Variants in RHBDD1 observed in about 807,000 individuals in gnomAD.
The protein encoded by RHBDD1 is rhomboid-related protein 4.
In RHBDD1, 38 loss-of-function variants were observed where a neutral mutation model predicts 36.3. That is an observed-to-expected ratio of 1.05 (90% CI 0.81 to 1.37). The LOEUF is 1.37. RHBDD1 is among the 40% of genes most tolerant of loss of function. The probability of loss-of-function intolerance (pLI) is 0.00; values close to 1 mark genes in which losing one functional copy is unlikely to be tolerated. For missense variants in RHBDD1, 393 were observed against 377.6 expected, an observed-to-expected ratio of 1.04 and a Z score of -0.34; for synonymous variants, 151 against 136.5, an observed-to-expected ratio of 1.11 and a Z score of -0.74.
intron 8 of RHBDD1, among the ~76,000 whole-genome samples, chr2:226,944,912 G>A (rs1020200511): frequency 6.6e-6 from 1 of 152,102 alleles, no homozygotes; most frequent in African/African-American, 2.4e-5. Context: ...GATTTTCATA[G>A]AGGAGCGAGG....
chr2:226,974,581 T>C (rs1202117892), intron 8 of RHBDD1, among the ~76,000 whole-genome samples: 2 of 152,196 alleles, frequency 1.3e-5, no homozygotes, highest in African/African-American at 2.4e-5. Context: ...TATTAACTTC[T>C]TTAGAGTCAC....
chr2:226,988,204 C>T, intron 8 of RHBDD1: 2 of 809,330 alleles, frequency 2.5e-6, no homozygotes, highest in Non-Finnish European at 3.8e-6. Flanking sequence ...TAAAACTTAC[C>T]CAAAGACAGT....
chr2:226,859,156 A>G (rs1943605781), intron 3 of RHBDD1, among the ~76,000 whole-genome samples: 1 of 152,218 alleles, frequency 6.6e-6, no homozygotes, highest in African/African-American at 2.4e-5. Flanking sequence ...AAAATACACT[A>G]ATCTTGAGTC....
chr2:226,811,122 A>G, the RHBDD1 span: 2 of 152,132 alleles, frequency 1.3e-5, no homozygotes, highest in Admixed American at 6.6e-5. Context: ...AACAAAAGCC[A>G]TTTCTTTTCT....
intron 1 of RHBDD1, 34 bp from the exon 2 acceptor site, chr2:226,838,039 A>G (rs1258229302): frequency 6.6e-6 from 1 of 152,202 alleles, no homozygotes; most frequent in East Asian, 1.9e-4. Context: ...TGTTTTTTAG[A>G]TGCAGTATTT....
chr2:226,976,800 C>T (rs1263521810), intron 8 of RHBDD1, among the ~76,000 whole-genome samples: 1 of 152,194 alleles, frequency 6.6e-6, no homozygotes, highest in African/African-American at 2.4e-5. Context: ...CCTCTTGGCC[C>T]TGGGTCACAA....
At chr2:226,879,327 A>T (rs1232983063) in intron 5 of RHBDD1, among the ~76,000 whole-genome samples, 1 of 152,164 alleles carries the variant, frequency 6.6e-6, no homozygotes, top group African/African-American at 2.4e-5. Flanking sequence ...AGAGAATTAG[A>T]TTGCCAGGAC....
intron 8 of RHBDD1, among the ~76,000 whole-genome samples, chr2:226,926,109 A>G (rs1559279687): frequency 6.6e-6 from 1 of 151,932 alleles, no homozygotes; most frequent in Non-Finnish European, 1.5e-5. Context: ...GCCAGGTGCA[A>G]TGGCTCACGC....
At chr2:226,809,911 T>A in the RHBDD1 span, among the ~76,000 whole-genome samples, 4 of 152,344 alleles carry the variant, frequency 2.6e-5, no homozygotes, top group East Asian at 7.7e-4. Flanking sequence ...AATAAAATCT[T>A]ATGTAAAATA....
chr2:226,986,004 C>T (rs974323365), intron 8 of RHBDD1, among the ~76,000 whole-genome samples: 2 of 152,228 alleles, frequency 1.3e-5, no homozygotes, highest in Admixed American at 6.5e-5. Context: ...GTTAATGTCA[C>T]CAGTGATAAG....
At chr2:226,865,206 G>C (rs1944224851) in intron 4 of RHBDD1, 80 bp downstream of exon 4, 5 of 1,120,554 alleles carry the variant, frequency 4.5e-6, no homozygotes. Flanking sequence ...TGAAGTGTGG[G>C]TCCCTATCAA....
At chr2:226,876,382 G>C (rs1051320656) in intron 5 of RHBDD1, among the ~76,000 whole-genome samples, 2 of 152,192 alleles carry the variant, frequency 1.3e-5, no homozygotes, top group African/African-American at 4.8e-5. Flanking sequence ...CCAAGGCCCA[G>C]TGACAGTTCA....
At chr2:226,969,364 G>T (rs1052621488) in intron 8 of RHBDD1, among the ~76,000 whole-genome samples, 2 of 141,132 alleles carry the variant, frequency 1.4e-5, no homozygotes, top group East Asian at 4.4e-4. Context: ...AGCAGCAATA[G>T]CCATTTGCTC....
chr2:226,847,031 A>G lies in RHBDD1; in HGVS notation c.-91+7404A>G, dbSNP rs550857399. Among the ~76,000 whole-genome samples, 12 of 152,366 alleles carry G rather than the reference A, an allele frequency of 7.9e-5. No individual in the cohort carries two copies. In the South Asian group the frequency reaches 1.9e-3, roughly 24 times the overall value. ...CTGCACATGTGGATAGGTATAGCTC[A>G]TAATGTACTCTGTGAACTGGGGTAA... On this transcript the variant is annotated intron_variant, in intron 3 of 8. Transcript: ENST00000392062.
At chr2:226,827,070 C>T in the RHBDD1 span, among the ~76,000 whole-genome samples, 376 of 152,222 alleles carry the variant, frequency 2.5e-3, no homozygotes, top group Non-Finnish European at 4.5e-3. Context: ...GCAATTCTCC[C>T]ACCTCAGCCT....
At chr2:226,880,024 G>T (rs1410120758) in intron 5 of RHBDD1, among the ~76,000 whole-genome samples, 5 of 152,204 alleles carry the variant, frequency 3.3e-5, no homozygotes, top group Non-Finnish European at 7.3e-5. Flanking sequence ...GCCTGTGTGT[G>T]CATGTCCATG....
chr2:226,888,552 A>C (rs1946422191), intron 5 of RHBDD1, among the ~76,000 whole-genome samples: 1 of 152,110 alleles, frequency 6.6e-6, no homozygotes, highest in South Asian at 2.1e-4. Context: ...GAGTCTTACC[A>C]CATTTTTCAT....
At chr2:226,842,435 A>G (rs1028548589) in intron 3 of RHBDD1, among the ~76,000 whole-genome samples, 2 of 152,062 alleles carry the variant, frequency 1.3e-5, no homozygotes, top group Non-Finnish European at 2.9e-5. Flanking sequence ...TTGACATTTA[A>G]GTCTTTAATT....
At chr2:226,825,504 C>T in the RHBDD1 span, among the ~76,000 whole-genome samples, 1 of 152,042 alleles carries the variant, frequency 6.6e-6, no homozygotes, top group Non-Finnish European at 1.5e-5. Context: ...CTATCTAAAA[C>T]ACTCAATAGA....
Sources: allele counts gnomAD v4.1 joint callset (sites outside exome capture counted in the v4.1 genomes callset), GRCh38; gene constraint gnomAD v4.1.1; transcripts MANE v1.5; gene names NCBI Gene and HGNC (gene_info 2026-07-23, HGNC 2026-07-21).